The following ROR1 variants were observed in gnomAD, a reference collection of about 807,000 sequenced individuals.
ROR1 encodes inactive tyrosine-protein kinase transmembrane receptor ROR1.
A neutral mutation model predicts 78.8 loss-of-function variants in ROR1; 19 were observed. The ratio of observed to expected loss-of-function variants is 0.24; its 90% CI spans 0.17 to 0.35. The LOEUF is 0.35. Among genes scored for constraint, ROR1 ranks in the 10% least tolerant of loss-of-function variants. ROR1 has a pLI of 1.00. For synonymous variants in ROR1, 386 were observed against 433.6 expected, an observed-to-expected ratio of 0.89 and a Z score of 1.36; for missense variants, 917 against 1,177.8, an observed-to-expected ratio of 0.78 and a Z score of 3.24.
At chr1:64,152,488 G>A (rs112647203) in intron 7 of ROR1, among the ~76,000 whole-genome samples, 2 of 152,130 alleles carry the variant, frequency 1.3e-5, no homozygotes, top group Non-Finnish European at 2.9e-5. Flanking sequence ...AATTTTTTGA[G>A]CAATTGCATC....
At chr1:63,865,053 A>G (rs927118484) in intron 1 of ROR1, among the ~76,000 whole-genome samples, 7 of 152,190 alleles carry the variant, frequency 4.6e-5, no homozygotes, top group Admixed American at 6.5e-5. Flanking sequence ...ATAAAAACGA[A>G]GTGTTAAAAC....
chr1:63,824,151 G>A (rs1352633047), intron 1 of ROR1, among the ~76,000 whole-genome samples: 1 of 152,178 alleles, frequency 6.6e-6, no homozygotes. Context: ...TTTGGGTAAT[G>A]GAACTGATCT....
At chr1:64,101,734 A>G (rs765009780) in intron 4 of ROR1, among the ~76,000 whole-genome samples, 1 of 152,152 alleles carries the variant, frequency 6.6e-6, no homozygotes, top group East Asian at 1.9e-4. Context: ...GGTTGATTAG[A>G]GGAGGCCTCT....
rs542768612 is a variant in ROR1 at position 63,996,171 on chromosome 1, A to G, written c.92-13134A>G. 3.3e-4 allele frequency among the ~76,000 whole-genome samples: 50 copies of G among 152,314 alleles called. 1 individual carries two copies. In the South Asian group the frequency reaches 9.5e-3, roughly 29 times the overall value. On this transcript the variant is annotated intron_variant, in intron 1 of 8. Transcript: ENST00000371079. Reference sequence around the variant, plus strand: ...AATCTCATCCCCAGCCTCAAGAAGCATACAATCTTATTAAAAAGATGTACC... The same window carrying G: ...AATCTCATCCCCAGCCTCAAGAAGCGTACAATCTTATTAAAAAGATGTACC...
chr1:63,853,333 A>T (rs949049384), intron 1 of ROR1, among the ~76,000 whole-genome samples: 1 of 152,138 alleles, frequency 6.6e-6, no homozygotes, highest in African/African-American at 2.4e-5. Context: ...TAGATGAAAA[A>T]ACTGAGAGGT....
chr1:64,123,626 T>C (rs182356977), intron 4 of ROR1, among the ~76,000 whole-genome samples: 137 of 152,232 alleles, frequency 9.0e-4, no homozygotes, highest in Non-Finnish European at 1.3e-3. Context: ...TACAAAAGTT[T>C]TACAAAGGTG....
At chr1:64,056,480 G>T (rs1276809133) in intron 4 of ROR1, among the ~76,000 whole-genome samples, 6 of 151,898 alleles carry the variant, frequency 4.0e-5, no homozygotes, top group Non-Finnish European at 7.4e-5. Flanking sequence ...TTTGAGACCA[G>T]CCTGGCCAAC....
intron 1 of ROR1, among the ~76,000 whole-genome samples, chr1:63,994,329 A>G (rs2100525294): frequency 6.6e-6 from 1 of 152,254 alleles, no homozygotes; most frequent in South Asian, 2.1e-4. Flanking sequence ...ATTTATGCCT[A>G]AGTAGCAATT....
chr1:64,132,898 G>C (rs1441610141), intron 4 of ROR1, among the ~76,000 whole-genome samples: 1 of 151,884 alleles, frequency 6.6e-6, no homozygotes, highest in African/African-American at 2.4e-5. Flanking sequence ...ATATTCTGAT[G>C]AGGAAGAAAA....
chr1:63,794,913 C>T (rs1340744018), intron 1 of ROR1, among the ~76,000 whole-genome samples: 2 of 152,010 alleles, frequency 1.3e-5, no homozygotes, highest in African/African-American at 2.4e-5. Context: ...GGGGTGCAGT[C>T]GTTTGGGGTG....
At chr1:63,961,053 C>T (rs1323012321) in intron 1 of ROR1, among the ~76,000 whole-genome samples, 4 of 152,262 alleles carry the variant, frequency 2.6e-5, no homozygotes, top group African/African-American at 9.6e-5. Context: ...TCTTACCTTT[C>T]CTTTCTTTTT....
intron 2 of ROR1, among the ~76,000 whole-genome samples, chr1:64,046,379 C>T (rs1369139658): frequency 6.6e-6 from 1 of 152,180 alleles, no homozygotes; most frequent in African/African-American, 2.4e-5. Flanking sequence ...AACCAAATTC[C>T]CTGTTTGTGG....
intron 4 of ROR1, among the ~76,000 whole-genome samples, chr1:64,061,515 A>C (rs928204828): frequency 6.6e-6 from 1 of 152,206 alleles, no homozygotes; most frequent in Non-Finnish European, 1.5e-5. Context: ...TGTAATGTGC[A>C]TATAGATCAC....
intron 4 of ROR1, among the ~76,000 whole-genome samples, chr1:64,058,563 G>A (rs994796573): frequency 2.8e-4 from 41 of 146,846 alleles, no homozygotes; most frequent in African/African-American, 9.0e-4. Context: ...TTTCTCAAGT[G>A]CTCTTTGTGT....
At chr1:64,159,597 G>T (rs1048440070) in intron 8 of ROR1, among the ~76,000 whole-genome samples, 2 of 152,046 alleles carry the variant, frequency 1.3e-5, no homozygotes, top group African/African-American at 2.4e-5. Flanking sequence ...GAACCTTTTC[G>T]TTGCATAATA....
chr1:64,128,951 C>A (rs944586073), intron 4 of ROR1, among the ~76,000 whole-genome samples: 29 of 152,254 alleles, frequency 1.9e-4, no homozygotes, highest in African/African-American at 6.7e-4. Flanking sequence ...CAGGACAAAT[C>A]TGTGCATTAC....
rs2100749664 is a variant in ROR1 at position 64,180,784 on chromosome 1, T to C, written c.*1929T>C. Reference sequence around the variant, plus strand: ...TTTAAGTACACAATTTCAGTGAATCTTGAGTTTTTCTAGGAGTCCCTTAAA... The same window carrying C: ...TTTAAGTACACAATTTCAGTGAATCCTGAGTTTTTCTAGGAGTCCCTTAAA... On this transcript the variant is annotated 3_prime_UTR_variant, in exon 9 of 9. Transcript: ENST00000371079. The C allele has an allele frequency of 2.6e-5, 4 of 152,272 alleles. No individual in the cohort carries two copies. The Middle Eastern group carries it at 0.014, about 521-fold the overall frequency. The allele number at this position is 152,272 out of a possible 1,614,324, so 9.4% of individuals were successfully genotyped here. A position where few individuals can be genotyped will look rare whatever the true frequency, so the allele number is the denominator to read the frequency against.
At position 64,032,110 on chromosome 1, in the gene ROR1, A is replaced by G. The variant is rs1044184355; in HGVS notation, c.164-17581A>G. On this transcript the variant is annotated intron_variant, in intron 2 of 8. Coordinates refer to ENST00000371079, the MANE Select transcript of ROR1 (RefSeq NM_005012.4). The stretch of plus-strand genomic sequence containing the variant: ...GTAATCCCAGCACTTTGGGAGGCTG[A>G]GGCGGGCGGATCATGAGGTCAGGAG... Among the ~76,000 whole-genome samples the G allele has an allele frequency of 2.0e-5, 3 of 152,016 alleles. No homozygotes were observed. In the South Asian group the frequency reaches 6.2e-4, roughly 32 times the overall value.
rs746652715 is a variant in ROR1, at chr1:64,142,493, C to G, written c.1017C>G (p.Ser339=). The change falls in exon 7 of 9, where the codon TCC becomes TCG. Residue 339 remains serine, a synonymous_variant. Transcript: ENST00000371079. Reference sequence around the variant, plus strand: ...GGCGCCAGTGCCAGCCATGGAATTCCCAGTATCCCCACACACACACTTTCA... The same window carrying G: ...GGCGCCAGTGCCAGCCATGGAATTCGCAGTATCCCCACACACACACTTTCA... ...KSGRQCQPWN[S]QYPHTHTFTA... The G allele has an allele frequency of 5.6e-6, 9 of 1,614,166 alleles. No individual in the cohort carries two copies. The highest frequency in any genetic ancestry group is 5.0e-5 in the Admixed American group (3 of 60,026).
Sources: gnomAD v4.1 joint callset for allele counts (sites outside exome capture counted in the v4.1 genomes callset) on GRCh38, gnomAD v4.1.1 for gene constraint, MANE v1.5 for transcripts, NCBI Gene and HGNC (gene_info 2026-07-23, HGNC 2026-07-21) for gene names.